FAM135A: variants seen among roughly 807,000 people sequenced by gnomAD.
The protein encoded by FAM135A is protein FAM135A.
A neutral mutation model predicts 146.8 loss-of-function variants in FAM135A; 79 were observed. That is an observed-to-expected ratio of 0.54 (90% CI 0.45 to 0.65). The LOEUF (loss-of-function observed/expected upper bound fraction) is 0.65, where lower values mean the gene tolerates loss of function less well. Among genes scored for constraint, FAM135A ranks in the 30% least tolerant of loss-of-function variants. The pLI, the probability that FAM135A is intolerant of heterozygous loss-of-function variation, is 0.00. For synonymous variants in FAM135A, 562 were observed against 603.6 expected, an observed-to-expected ratio of 0.93 and a Z score of 1.01; for missense variants, 1,623 against 1,758.2, an observed-to-expected ratio of 0.92 and a Z score of 1.38.
chr6:70,441,028 T>G (rs1273762583), intron 4 of FAM135A, among the ~76,000 whole-genome samples: 1 of 152,216 alleles, frequency 6.6e-6, no homozygotes, highest in Non-Finnish European at 1.5e-5. Flanking sequence ...CCGTAGCATA[T>G]TACACATATG....
intron 4 of FAM135A, among the ~76,000 whole-genome samples, chr6:70,429,843 C>T (rs1192970840): frequency 2.7e-5 from 4 of 150,884 alleles, no homozygotes; most frequent in African/African-American, 9.7e-5. Context: ...ATCTGGAGAT[C>T]TATACAAAGA....
In FAM135A at chr6:70,486,343, A is replaced by C. The variant is rs1265975426; in HGVS notation, c.823+4189A>C. On this transcript the variant is annotated intron_variant, in intron 10 of 21. Coordinates refer to ENST00000418814, the MANE Select transcript of FAM135A (RefSeq NM_001162529.3). ...CAGATTTCATAAATGTATATTTAATAATGTGGTATGTTTCCACCATTCTGA... is the reference window on the plus strand; with the variant it reads ...CAGATTTCATAAATGTATATTTAATCATGTGGTATGTTTCCACCATTCTGA... The C allele has an allele frequency of 3.0e-6, 3 of 992,756 alleles. No homozygotes were observed. In the East Asian group the frequency reaches 7.9e-5, roughly 26 times the overall value. The allele number at this position is 992,756 out of a possible 1,614,324, so 61.5% of individuals were successfully genotyped here. A position where few individuals can be genotyped will look rare whatever the true frequency, so the allele number is the denominator to read the frequency against.
At chr6:70,419,981 C>T (rs939328494) in intron 2 of FAM135A, among the ~76,000 whole-genome samples, 2 of 152,064 alleles carry the variant, frequency 1.3e-5, no homozygotes, top group African/African-American at 2.4e-5. Flanking sequence ...GTTTTTAATT[C>T]GGTCTGTAGG....
At chr6:70,445,998 AATC>A (rs1279361884) in intron 4 of FAM135A, among the ~76,000 whole-genome samples, 1 of 152,254 alleles carries the variant, frequency 6.6e-6, no homozygotes, top group African/African-American at 2.4e-5. Flanking sequence ...TTAAAAGCAC[AATC>A]ATCATTGAAA....
intron 4 of FAM135A, 26 bp from the exon 5 acceptor site, chr6:70,452,466 T>C (rs779961624): frequency 6.5e-7 from 1 of 1,543,680 alleles, no homozygotes; most frequent in East Asian, 2.3e-5. Flanking sequence ...TGTTTTGAAA[T>C]AACTTCCTTG....
chr6:70,494,944 T>C (rs909118495), intron 11 of FAM135A, among the ~76,000 whole-genome samples: 3 of 152,212 alleles, frequency 2.0e-5, no homozygotes, highest in African/African-American at 7.2e-5. Context: ...CTCAAATACT[T>C]ACCCAACTCT....
chr6:70,455,659 C>T (rs1043435553), intron 5 of FAM135A, among the ~76,000 whole-genome samples: 25 of 152,020 alleles, frequency 1.6e-4, no homozygotes, highest in African/African-American at 6.0e-4. Flanking sequence ...ATTTCTAGCT[C>T]AGTTTTTTCT....
chr6:70,528,232 G>T, intron 15 of FAM135A, 60 bp from the exon 16 acceptor site: 2 of 1,461,208 alleles, frequency 1.4e-6, no homozygotes, highest in South Asian at 1.5e-5. Context: ...CTAAATTCAG[G>T]AGGGTTCTAA....
At chr6:70,543,936 C>T (rs886221851) in intron 20 of FAM135A, among the ~76,000 whole-genome samples, 4 of 152,126 alleles carry the variant, frequency 2.6e-5, no homozygotes, top group African/African-American at 9.7e-5. Flanking sequence ...CAAACTCTGA[C>T]ATCACACATA....
At chr6:70,495,114 AAC>A (rs1246254227) in intron 11 of FAM135A, among the ~76,000 whole-genome samples, 5 of 152,194 alleles carry the variant, frequency 3.3e-5, no homozygotes, top group Non-Finnish European at 5.9e-5. Context: ...TTGGGAAAAA[AAC>A]ACAGCAGGAA....
intron 11 of FAM135A, among the ~76,000 whole-genome samples, chr6:70,499,801 GC>G (rs1788082296): frequency 1.3e-5 from 2 of 152,198 alleles, no homozygotes; most frequent in South Asian, 4.2e-4. Context: ...TTGAATATTG[GC>G]CCCCACTCTC....
rs901440620 is a variant in FAM135A at position 70,475,680 on chromosome 6, G to A, written c.315G>A (p.Glu105=). 6.9e-7 allele frequency: 1 copy of A among 1,443,332 alleles called. No individual in the cohort carries two copies. The highest frequency in any genetic ancestry group is 1.7e-5 in the African/African-American group (1 of 57,934). The allele number at this position is 1,443,332 out of a possible 1,614,324, so 89.4% of individuals were successfully genotyped here. A position where few individuals can be genotyped will look rare whatever the true frequency, so the allele number is the denominator to read the frequency against. ...CTTTTCAGATTGAAGAAACCCTTGA[G>A]GAAATGAATTTTCTATTATCCTTGG... The part of the protein sequence containing the change: ...LDERKIEETL[E]EMNFLLSLDL... The change falls in exon 7 of 22, where the codon GAG becomes GAA. Residue 105 remains glutamate, a synonymous_variant. Coordinates refer to ENST00000418814, the MANE Select transcript of FAM135A (RefSeq NM_001162529.3).
At chr6:70,439,039 G>A (rs1476512781) in intron 4 of FAM135A, among the ~76,000 whole-genome samples, 1 of 152,174 alleles carries the variant, frequency 6.6e-6, no homozygotes, top group Non-Finnish European at 1.5e-5. Context: ...GGACATGGTG[G>A]TGCTTGCCTG....
chr6:70,465,305 A>G (rs79485742), intron 5 of FAM135A, among the ~76,000 whole-genome samples: 19,839 of 152,176 alleles, frequency 0.13, 1,544 homozygotes, highest in Middle Eastern at 0.19. Context: ...CCTCTTGACT[A>G]TTATAAATAA....
intron 2 of FAM135A, among the ~76,000 whole-genome samples, chr6:70,423,915 T>G (rs1769434145): frequency 6.6e-6 from 1 of 152,218 alleles, no homozygotes; most frequent in Admixed American, 6.5e-5. Flanking sequence ...AAATCACAGT[T>G]ATCTACTCCT....
At chr6:70,499,427 C>G (rs971813145) in intron 11 of FAM135A, among the ~76,000 whole-genome samples, 3 of 152,176 alleles carry the variant, frequency 2.0e-5, no homozygotes, top group African/African-American at 7.2e-5. Context: ...GGTCTTGACT[C>G]TTTATCCAAT....
chr6:70,532,931 CA>C (rs1298703932), intron 16 of FAM135A, among the ~76,000 whole-genome samples: 78 of 134,690 alleles, frequency 5.8e-4, no homozygotes, highest in East Asian at 4.2e-4. Flanking sequence ...GACTCCATCT[CA>C]AAAAAAAAAA....
chr6:70,477,959 A>G, intron 8 of FAM135A, among the ~76,000 whole-genome samples: 1 of 152,226 alleles, frequency 6.6e-6, no homozygotes, highest in South Asian at 2.1e-4. Flanking sequence ...ACCACACAAC[A>G]TTGTTTATTC....
intron 4 of FAM135A, among the ~76,000 whole-genome samples, chr6:70,444,980 T>A (rs1480203711): frequency 6.6e-6 from 1 of 152,244 alleles, no homozygotes; most frequent in East Asian, 1.9e-4. Context: ...TATTTTAAAA[T>A]CGTAATTATT....
Sources: gnomAD v4.1 joint callset for allele counts (sites outside exome capture counted in the v4.1 genomes callset) on GRCh38, gnomAD v4.1.1 for gene constraint, MANE v1.5 for transcripts, NCBI Gene and HGNC (gene_info 2026-07-23, HGNC 2026-07-21) for gene names.